DNAJC1: variants seen among roughly 807,000 people sequenced by gnomAD.
DNAJC1 encodes the protein dnaJ homolog subfamily C member 1.
In DNAJC1, 58 loss-of-function variants were observed where a neutral mutation model predicts 76.6. The observed-to-expected ratio is 0.76, with a 90% confidence interval of 0.61 to 0.94. The LOEUF (loss-of-function observed/expected upper bound fraction) is 0.94, where lower values mean the gene tolerates loss of function less well. Among genes scored for constraint, DNAJC1 ranks in the 40% least tolerant of loss-of-function variants. The pLI is 0.00. For synonymous variants in DNAJC1, 258 were observed against 267.9 expected (o/e 0.96, Z 0.36); for missense variants, 689 against 677.3 (o/e 1.02, Z -0.19).
At chr10:21,986,978 G>A (rs919222073) in intron 1 of DNAJC1, among the ~76,000 whole-genome samples, 4 of 152,100 alleles carry the variant, frequency 2.6e-5, no homozygotes, top group African/African-American at 4.8e-5. Context: ...ATGTTGGCCA[G>A]GCTGGTCTCA....
At chr10:21,987,009 C>G (rs1838258858) in intron 1 of DNAJC1, among the ~76,000 whole-genome samples, 1 of 152,126 alleles carries the variant, frequency 6.6e-6, no homozygotes, top group South Asian at 2.1e-4. Flanking sequence ...CTCAAGTGAT[C>G]CACCCTCCTT....
At chr10:21,768,558 T>A (rs562930922) in intron 9 of DNAJC1, among the ~76,000 whole-genome samples, 2 of 152,332 alleles carry the variant, frequency 1.3e-5, no homozygotes, top group African/African-American at 4.8e-5. Flanking sequence ...AAAGGCTCAG[T>A]AAATATTACC....
chr10:21,968,166 A>G (rs1026325950), intron 1 of DNAJC1, among the ~76,000 whole-genome samples: 1 of 152,228 alleles, frequency 6.6e-6, no homozygotes, highest in Non-Finnish European at 1.5e-5. Flanking sequence ...TTTCCTCTCT[A>G]CAAGTTACCA....
At chr10:21,875,504 G>A (rs987618698) in intron 8 of DNAJC1, among the ~76,000 whole-genome samples, 4 of 152,180 alleles carry the variant, frequency 2.6e-5, no homozygotes, top group African/African-American at 9.7e-5. Flanking sequence ...TTTCAGCAAT[G>A]AAAGCTTTCT....
chr10:21,835,624 T>C (rs1835437868), intron 8 of DNAJC1, among the ~76,000 whole-genome samples: 1 of 151,896 alleles, frequency 6.6e-6, no homozygotes, highest in African/African-American at 2.4e-5. Context: ...TGCAGTGAAG[T>C]CCTTAAAGGA....
chr10:21,813,175 CCTCTCTCTCTCTCTCTCTCTCTCT>C (rs532971786), intron 8 of DNAJC1, among the ~76,000 whole-genome samples: 12 of 28,334 alleles, frequency 4.2e-4, no homozygotes, highest in East Asian at 2.9e-3. Flanking sequence ...TCTCTCTCTC[CCTCTCTCTCTCTCTCTCTCTCTCT>C]CTCTCTCTCT....
chr10:21,892,988 T>C (rs1836482733), intron 7 of DNAJC1, among the ~76,000 whole-genome samples: 1 of 152,128 alleles, frequency 6.6e-6, no homozygotes, highest in Admixed American at 6.5e-5. Context: ...AAATAAGCAA[T>C]GATATACAAC....
At chr10:21,821,233 G>T (rs1187957028) in intron 8 of DNAJC1, among the ~76,000 whole-genome samples, 1 of 152,128 alleles carries the variant, frequency 6.6e-6, no homozygotes, top group Non-Finnish European at 1.5e-5. Context: ...GAGAGAGAGA[G>T]ATTCTGTTTC....
At chr10:21,888,610 A>C (rs529183776) in intron 7 of DNAJC1, among the ~76,000 whole-genome samples, 2 of 152,340 alleles carry the variant, frequency 1.3e-5, no homozygotes, top group Admixed American at 6.5e-5. Flanking sequence ...AAAGAATGAG[A>C]TCATGTCTTT....
chr10:21,842,637 A>G (rs1835592375), intron 8 of DNAJC1, among the ~76,000 whole-genome samples: 1 of 152,228 alleles, frequency 6.6e-6, no homozygotes, highest in Non-Finnish European at 1.5e-5. Flanking sequence ...TAAATTGAGA[A>G]GTCCTCAGGA....
At chr10:21,960,275 A>T (rs986386613) in intron 1 of DNAJC1, among the ~76,000 whole-genome samples, 1 of 152,246 alleles carries the variant, frequency 6.6e-6, no homozygotes, top group Non-Finnish European at 1.5e-5. Flanking sequence ...TTTAATCTAG[A>T]TAACCACTAA....
At chr10:21,972,191 T>G (rs981777194) in intron 1 of DNAJC1, among the ~76,000 whole-genome samples, 1 of 152,092 alleles carries the variant, frequency 6.6e-6, no homozygotes, top group Non-Finnish European at 1.5e-5. Flanking sequence ...TCCATAGGCA[T>G]GCAATTACCA....
At chr10:21,833,357 G>A (rs1835393066) in intron 8 of DNAJC1, among the ~76,000 whole-genome samples, 2 of 152,166 alleles carry the variant, frequency 1.3e-5, no homozygotes, top group Non-Finnish European at 2.9e-5. Context: ...TGTAATCCCA[G>A]CTATTTGGGA....
At chr10:21,880,764 C>G (rs1297682568) in intron 8 of DNAJC1, among the ~76,000 whole-genome samples, 1 of 152,110 alleles carries the variant, frequency 6.6e-6, no homozygotes, top group Non-Finnish European at 1.5e-5. Context: ...CTAGGATTTT[C>G]AGAATGATAA....
chr10:21,792,758 C>CAAA (rs1287180845), intron 9 of DNAJC1, among the ~76,000 whole-genome samples: 5 of 65,788 alleles, frequency 7.6e-5, no homozygotes, highest in East Asian at 5.4e-4. Flanking sequence ...GACAACACCT[C>CAAA]AAAAAAAAAA....
intron 8 of DNAJC1, among the ~76,000 whole-genome samples, chr10:21,813,090 C>CATATATATATATATATATAT (rs1834998234): frequency 2.7e-5 from 2 of 74,776 alleles, no homozygotes; most frequent in African/African-American, 1.0e-4. Context: ...CATATATACA[C>CATATATATATATATATATAT]ACACACATAT....
chr10:21,787,323 G>A (rs144598283), intron 9 of DNAJC1, among the ~76,000 whole-genome samples: 144 of 150,836 alleles, frequency 9.5e-4, no homozygotes, highest in African/African-American at 2.8e-3. Flanking sequence ...GTGAGATTCC[G>A]TCACAAAAAA....
chr10:21,883,187 G>T (rs1836309937), intron 7 of DNAJC1, among the ~76,000 whole-genome samples: 1 of 151,268 alleles, frequency 6.6e-6, no homozygotes. Context: ...GAGGTGGAGG[G>T]TGGGGTTAGC....
intron 7 of DNAJC1, among the ~76,000 whole-genome samples, chr10:21,900,342 C>G (rs1399083375): frequency 9.4e-6 from 1 of 105,846 alleles, no homozygotes; most frequent in Non-Finnish European, 2.0e-5. Flanking sequence ...GACTCCATCT[C>G]AAAAAAAAAA....
Sources: gnomAD v4.1 joint callset for allele counts (sites outside exome capture counted in the v4.1 genomes callset) on GRCh38, gnomAD v4.1.1 for gene constraint, MANE v1.5 for transcripts, NCBI Gene and HGNC (gene_info 2026-07-23, HGNC 2026-07-21) for gene names.